Variants in ASTN2 observed in about 807,000 individuals in gnomAD.
ASTN2 encodes the protein astrotactin 2, also known as astrotactin-2.
Under a neutral mutation model 139.8 loss-of-function variants are expected in ASTN2, and 54 were observed. The ratio of observed to expected loss-of-function variants is 0.39; its 90% CI spans 0.31 to 0.48. ASTN2 has a LOEUF of 0.48. Ranked by LOEUF, ASTN2 falls within the 20% of genes least tolerant of loss-of-function variation. The pLI is 0.95. For missense variants in ASTN2, 1,565 were observed against 1,725.1 expected, an observed-to-expected ratio of 0.91 and a Z score of 1.64; for synonymous variants, 756 against 719.5, an observed-to-expected ratio of 1.05 and a Z score of -0.81.
chr9:116,856,626 C>T (rs1220790121), intron 11 of ASTN2, among the ~76,000 whole-genome samples: 3 of 152,210 alleles, frequency 2.0e-5, no homozygotes, highest in Admixed American at 6.5e-5. Flanking sequence ...CTGGCCTATA[C>T]TAAATGGAAA....
At chr9:116,787,192 T>C (rs1830400279) in intron 13 of ASTN2, among the ~76,000 whole-genome samples, 1 of 152,158 alleles carries the variant, frequency 6.6e-6, no homozygotes, top group Non-Finnish European at 1.5e-5. Context: ...GACAACTCAG[T>C]GTGAGATGGT....
At chr9:116,657,061 G>A (rs1443973545) in intron 16 of ASTN2, among the ~76,000 whole-genome samples, 3 of 152,162 alleles carry the variant, frequency 2.0e-5, no homozygotes, top group African/African-American at 7.2e-5. Flanking sequence ...ACTGAAATTG[G>A]ATCATTTCTT....
At chr9:116,821,826 C>T (rs2132271713) in intron 11 of ASTN2, among the ~76,000 whole-genome samples, 1 of 152,212 alleles carries the variant, frequency 6.6e-6, no homozygotes, top group Middle Eastern at 3.4e-3. Context: ...TGTGCTCCTT[C>T]AGTGGAAAAT....
chr9:116,492,902 GGA>G (rs1849560103), intron 19 of ASTN2, among the ~76,000 whole-genome samples: 1 of 152,142 alleles, frequency 6.6e-6, no homozygotes, highest in Non-Finnish European at 1.5e-5. Context: ...AACACTAACA[GGA>G]GAGAGATTGG....
intron 1 of ASTN2, among the ~76,000 whole-genome samples, chr9:117,406,777 T>C (rs1801838429): frequency 1.3e-5 from 2 of 152,060 alleles, no homozygotes. Context: ...CCTTAGTTTT[T>C]TCCCTTTTCC....
intron 1 of ASTN2, among the ~76,000 whole-genome samples, chr9:117,305,739 G>A (rs979384831): frequency 3.3e-5 from 5 of 152,168 alleles, no homozygotes; most frequent in African/African-American, 9.7e-5. Flanking sequence ...CTTATTAAGT[G>A]CTTACTCTGT....
chr9:117,122,869 G>T (rs1477796193), intron 4 of ASTN2, among the ~76,000 whole-genome samples: 1 of 152,048 alleles, frequency 6.6e-6, no homozygotes, highest in Non-Finnish European at 1.5e-5. Context: ...ATTCCCCGGA[G>T]CCTGCTTACA....
chr9:116,540,268 C>T (rs1315685137), intron 19 of ASTN2, among the ~76,000 whole-genome samples: 2 of 152,006 alleles, frequency 1.3e-5, no homozygotes, highest in Non-Finnish European at 2.9e-5. Context: ...TTATTAGATC[C>T]TGCATCAGAT....
At chr9:117,133,443 G>A (rs924008741) in intron 4 of ASTN2, among the ~76,000 whole-genome samples, 4 of 152,172 alleles carry the variant, frequency 2.6e-5, no homozygotes, top group African/African-American at 7.2e-5. Flanking sequence ...CTGCCACAAT[G>A]CCATATAGCC....
chr9:117,317,417 G>A lies in ASTN2; in HGVS notation c.443-25904C>T, dbSNP rs182119983. Among the ~76,000 whole-genome samples, 41 of 152,278 alleles carry A rather than the reference G, an allele frequency of 2.7e-4. 1 individual carries two copies. In the East Asian group the frequency reaches 6.4e-3, roughly 24 times the overall value. ...ATTCTGTGCTGAGTCAGCAGAGCCC[G>A]ACAATGCCTGGGAAGGAAGTAGCAG... On this transcript the variant is annotated intron_variant, in intron 1 of 22. Coordinates refer to ENST00000313400, the MANE Select transcript of ASTN2 (RefSeq NM_001365068.1).
At chr9:116,951,210 G>A (rs532984227) in intron 10 of ASTN2, among the ~76,000 whole-genome samples, 9 of 151,996 alleles carry the variant, frequency 5.9e-5, no homozygotes, top group Non-Finnish European at 8.8e-5. Flanking sequence ...GGTGGCGCAC[G>A]CCTGTAATCC....
intron 17 of ASTN2, among the ~76,000 whole-genome samples, chr9:116,623,955 T>C (rs1856308629): frequency 6.6e-6 from 1 of 152,126 alleles, no homozygotes; most frequent in South Asian, 2.1e-4. Flanking sequence ...TGAGAGAAAA[T>C]GAAACCTTAT....
At chr9:116,810,822 T>G (rs1831144577) in intron 12 of ASTN2, among the ~76,000 whole-genome samples, 1 of 152,196 alleles carries the variant, frequency 6.6e-6, no homozygotes, top group Non-Finnish European at 1.5e-5. Context: ...TCCCCTGGGC[T>G]CGATGGCTTC....
intron 3 of ASTN2, among the ~76,000 whole-genome samples, chr9:117,190,890 G>T (rs1165948051): frequency 2.0e-5 from 3 of 151,770 alleles, no homozygotes; most frequent in Non-Finnish European, 2.9e-5. Context: ...TAGTCTTTCT[G>T]TGCTAGAAAG....
At chr9:116,901,323 G>T (rs1047613584) in intron 10 of ASTN2, among the ~76,000 whole-genome samples, 1 of 152,022 alleles carries the variant, frequency 6.6e-6, no homozygotes, top group African/African-American at 2.4e-5. Flanking sequence ...ACCAGCCTGG[G>T]TAACATAGTA....
At chr9:116,703,600 T>A (rs1293482404) in intron 16 of ASTN2, among the ~76,000 whole-genome samples, 1 of 149,748 alleles carries the variant, frequency 6.7e-6, no homozygotes, top group Non-Finnish European at 1.5e-5. Flanking sequence ...TGGGGAGGGG[T>A]AGCATTGGGA....
intron 2 of ASTN2, among the ~76,000 whole-genome samples, chr9:117,230,087 G>C (rs1832841962): frequency 2.0e-5 from 3 of 148,498 alleles, no homozygotes; most frequent in Non-Finnish European, 4.4e-5. Context: ...GTCTGCTTGA[G>C]CCCAGGAGTT....
At chr9:116,935,140 T>C (rs1835032378) in intron 10 of ASTN2, among the ~76,000 whole-genome samples, 1 of 152,224 alleles carries the variant, frequency 6.6e-6, no homozygotes. Flanking sequence ...ATGTCTGTGC[T>C]GGTTGAACAT....
intron 6 of ASTN2, among the ~76,000 whole-genome samples, chr9:117,021,949 C>T (rs1334094): frequency 0.2 from 31,054 of 152,050 alleles, 3,365 homozygotes; most frequent in South Asian, 0.34. Flanking sequence ...AAAATGTTGC[C>T]TTGTTCAAAT....
Sources: gnomAD v4.1 joint callset for allele counts (sites outside exome capture counted in the v4.1 genomes callset) on GRCh38, gnomAD v4.1.1 for gene constraint, MANE v1.5 for transcripts, NCBI Gene and HGNC (gene_info 2026-07-23, HGNC 2026-07-21) for gene names.